The following AHCTF1 variants were observed in gnomAD, a reference collection of about 807,000 sequenced individuals.
AHCTF1 encodes the protein protein ELYS.
In AHCTF1, 24 loss-of-function variants were observed where a neutral mutation model predicts 248.4. The ratio of observed to expected loss-of-function variants is 0.10; its 90% confidence interval spans 0.07 to 0.14. The LOEUF (loss-of-function observed/expected upper bound fraction) is 0.14. Ranked by LOEUF, AHCTF1 falls within the 10% of genes least tolerant of loss-of-function variation. AHCTF1 has a pLI of 1.00. For synonymous variants in AHCTF1, 786 were observed against 929.8 expected, an observed-to-expected ratio of 0.85 and a Z score of 2.81; for missense variants, 2,206 against 2,636.2, an observed-to-expected ratio of 0.84 and a Z score of 3.57.
At chr1:246,864,207 CTA>C (rs1272191763) in intron 26 of AHCTF1, 91 bp from the exon 27 acceptor site, 3 of 1,236,458 alleles carry the variant, frequency 2.4e-6, no homozygotes, top group Non-Finnish European at 3.4e-6. Flanking sequence ...TCACTGGTAA[CTA>C]TGATAGCCAC....
chr1:246,924,147 T>A (rs1666770076), intron 1 of AHCTF1, among the ~76,000 whole-genome samples: 1 of 152,124 alleles, frequency 6.6e-6, no homozygotes, highest in Non-Finnish European at 1.5e-5. Context: ...ACTATCAAAC[T>A]GAAACCTGTG....
At chr1:246,896,778 G>A (rs147459267) in intron 12 of AHCTF1, among the ~76,000 whole-genome samples, 2 of 152,098 alleles carry the variant, frequency 1.3e-5, no homozygotes, top group Non-Finnish European at 2.9e-5. Context: ...AATATCACAG[G>A]AACCTATTAA....
chr1:246,928,474 A>G (rs964198635), intron 1 of AHCTF1, among the ~76,000 whole-genome samples: 15 of 152,324 alleles, frequency 9.8e-5, no homozygotes, highest in African/African-American at 3.6e-4. Flanking sequence ...GATACTGTAT[A>G]GCAGGATATT....
intron 8 of AHCTF1, among the ~76,000 whole-genome samples, chr1:246,901,421 G>A (rs1258813088): frequency 6.6e-6 from 1 of 152,142 alleles, no homozygotes; most frequent in South Asian, 2.1e-4. Flanking sequence ...TGGATCATGA[G>A]GTCAGGAGAT....
rs568793109 is a variant in AHCTF1 at position 246,858,300 on chromosome 1, C to A, written c.4133-486G>T. ...AATTCTCTGAACCTAGCTCAAGAGC[C>A]CCCCTTAACCTCTCGCTTTTCACTT... On this transcript the variant is annotated intron_variant, in intron 29 of 35. Transcript: ENST00000648844. 3.3e-5 allele frequency among the ~76,000 whole-genome samples: 5 copies of A among 152,190 alleles called. No individual in the cohort carries two copies. In the South Asian group the frequency reaches 1.0e-3, roughly 32 times the overall value.
In AHCTF1 at chr1:246,861,247, C is replaced by T. The variant is rs546954676; in HGVS notation, c.3784G>A (p.Ala1262Thr). ...AGCCATTCAGTTTCCACTGGAACTG[C>T]ACATTTTTTAGGTGTAGTAAATACT... Reference protein sequence around the residue: ...LEVFTTPKKCAVPVETEWLKS... With the variant: ...LEVFTTPKKCTVPVETEWLKS... The change falls in exon 29 of 36, where the codon GCA becomes ACA. Residue 1262 changes from alanine to threonine, a missense_variant. By Grantham distance (58) the Ala-to-Thr change is moderately conservative. Transcript: ENST00000648844. 6.2e-7 allele frequency: 1 copy of T among 1,613,040 alleles called. No individual in the cohort carries two copies. The highest frequency in any genetic ancestry group is 2.2e-5 in the East Asian group (1 of 44,886).
intron 26 of AHCTF1, chr1:246,865,414 C>T (rs1661901625): frequency 6.6e-6 from 1 of 152,178 alleles, no homozygotes; most frequent in African/African-American, 2.4e-5. Context: ...AATGTCTTCC[C>T]ACTTGTTACT....
chr1:246,879,404 C>G (rs916098325), intron 21 of AHCTF1, among the ~76,000 whole-genome samples: 2 of 152,104 alleles, frequency 1.3e-5, no homozygotes, highest in Admixed American at 6.6e-5. Flanking sequence ...ATTACGAGGG[C>G]AAACATCCTT....
chr1:246,930,995 C>T, intron 1 of AHCTF1: 1 of 1,274,536 alleles, frequency 7.8e-7, no homozygotes, highest in Non-Finnish European at 1.1e-6. Flanking sequence ...TCCTGTTTCC[C>T]AGGTAGGAAA....
chr1:246,875,263 A>T (rs1237145970), intron 24 of AHCTF1, among the ~76,000 whole-genome samples: 1 of 151,466 alleles, frequency 6.6e-6, no homozygotes, highest in Non-Finnish European at 1.5e-5. Flanking sequence ...CCTTACATAC[A>T]ATGACACAAC....
intron 24 of AHCTF1, among the ~76,000 whole-genome samples, chr1:246,871,651 G>A (rs985515767): frequency 1.3e-5 from 2 of 152,220 alleles, no homozygotes; most frequent in East Asian, 1.9e-4. Flanking sequence ...ACAGGCTAAG[G>A]CCATCATGTC....
intron 1 of AHCTF1, among the ~76,000 whole-genome samples, chr1:246,926,707 TAACC>T (rs1666940528): frequency 6.6e-6 from 1 of 151,332 alleles, no homozygotes; most frequent in African/African-American, 2.4e-5. Context: ...TACAGAAAAC[TAACC>T]AGGTGTGGTG....
intron 1 of AHCTF1, 75 bp from the exon 2 acceptor site, chr1:246,918,452 A>G: frequency 7.5e-7 from 1 of 1,336,788 alleles, no homozygotes; most frequent in Non-Finnish European, 9.9e-7. Context: ...CCAGCCAGGA[A>G]AAACAGTAAA....
intron 35 of AHCTF1, among the ~76,000 whole-genome samples, chr1:246,841,557 T>C (rs868085670): frequency 6.6e-6 from 1 of 152,224 alleles, no homozygotes. Context: ...AGATACTGTG[T>C]AACAAATACA....
At chr1:246,849,011 ATC>A (rs1660497009) in intron 33 of AHCTF1, among the ~76,000 whole-genome samples, 1 of 152,170 alleles carries the variant, frequency 6.6e-6, no homozygotes, top group African/African-American at 2.4e-5. Flanking sequence ...TATATTGTAT[ATC>A]TGTTTGTATT....
chr1:246,927,547 C>T (rs1333640649), intron 1 of AHCTF1, among the ~76,000 whole-genome samples: 1 of 152,226 alleles, frequency 6.6e-6, no homozygotes, highest in Non-Finnish European at 1.5e-5. Context: ...AAAACACAAA[C>T]ACACATGAAA....
chr1:246,929,474 T>A (rs1401494507), intron 1 of AHCTF1, among the ~76,000 whole-genome samples: 1 of 144,536 alleles, frequency 6.9e-6, no homozygotes, highest in Non-Finnish European at 1.5e-5. Context: ...ACCTGAAATT[T>A]GAGTATTTAA....
chr1:246,887,111 G>T, intron 20 of AHCTF1, 100 bp downstream of exon 20: 1 of 1,332,098 alleles, frequency 7.5e-7, no homozygotes, highest in East Asian at 2.4e-5. Flanking sequence ...ACTATTTTTA[G>T]TAGACTGTAT....
chr1:246,914,739 C>T (rs1330467320), intron 3 of AHCTF1, among the ~76,000 whole-genome samples: 1 of 152,162 alleles, frequency 6.6e-6, no homozygotes, highest in African/African-American at 2.4e-5. Flanking sequence ...TCGCTACTCC[C>T]CCATCTTTTC....
Sources: allele counts gnomAD v4.1 joint callset (sites outside exome capture counted in the v4.1 genomes callset), GRCh38; gene constraint gnomAD v4.1.1; transcripts MANE v1.5; gene names NCBI Gene and HGNC (gene_info 2026-07-23, HGNC 2026-07-21).